The following OR6N1 variants were observed in gnomAD, a reference collection of about 807,000 sequenced individuals.
OR6N1 encodes the protein olfactory receptor family 6 subfamily N member 1.
For synonymous variants in OR6N1, 170 were observed against 150.7 expected (o/e 1.13, Z -0.94); for missense variants, 394 against 371.7 (o/e 1.06, Z -0.49).
chr1:158,790,873 T>C, the OR6N1 span, among the ~76,000 whole-genome samples: 6 of 151,894 alleles, frequency 4.0e-5, no homozygotes, highest in Admixed American at 2.6e-4. Flanking sequence ...CAGATGGGGG[T>C]GATTGGACCA....
upstream of OR6N1, among the ~76,000 whole-genome samples, chr1:158,772,377 C>A (rs903378007): frequency 1.3e-5 from 2 of 152,136 alleles, no homozygotes; most frequent in Admixed American, 6.5e-5. Flanking sequence ...TCCTTCATTA[C>A]CTATTAGTTA....
chr1:158,819,763 AG>A, the OR6N1 span, among the ~76,000 whole-genome samples: 1 of 152,194 alleles, frequency 6.6e-6, no homozygotes, highest in Non-Finnish European at 1.5e-5. Context: ...ACATATACAT[AG>A]TACTGTTTCT....
chr1:158,829,301 C>T, the OR6N1 span, among the ~76,000 whole-genome samples: 1 of 152,116 alleles, frequency 6.6e-6, no homozygotes, highest in African/African-American at 2.4e-5. Flanking sequence ...GCTCTGTTTC[C>T]CTTTTAAAAC....
At chr1:158,787,588 T>TC in the OR6N1 span, among the ~76,000 whole-genome samples, 1 of 126,020 alleles carries the variant, frequency 7.9e-6, no homozygotes, top group Admixed American at 8.0e-5. Flanking sequence ...TGTATATACT[T>TC]TCTCTCTCTC....
At chr1:158,771,636 T>C (rs1558033686) in intron 1 of OR6N1, among the ~76,000 whole-genome samples, 4 of 152,352 alleles carry the variant, frequency 2.6e-5, no homozygotes, top group African/African-American at 7.2e-5. Flanking sequence ...TCATAGTTCA[T>C]AATTGTTTAG....
the OR6N1 span, among the ~76,000 whole-genome samples, chr1:158,822,969 T>C: frequency 5.3e-5 from 8 of 152,194 alleles, no homozygotes; most frequent in Non-Finnish European, 7.4e-5. Flanking sequence ...GAGATAATCA[T>C]GTGGGCTTTG....
At chr1:158,794,205 T>C in the OR6N1 span, among the ~76,000 whole-genome samples, 26 of 152,252 alleles carry the variant, frequency 1.7e-4, no homozygotes, top group African/African-American at 3.6e-4. Flanking sequence ...GTAGTAATCA[T>C]TGGGGAGAAA....
chr1:158,821,883 G>T, the OR6N1 span, among the ~76,000 whole-genome samples: 1 of 152,072 alleles, frequency 6.6e-6, no homozygotes, highest in Non-Finnish European at 1.5e-5. Context: ...GTACCATTTT[G>T]CAATTCCACC....
upstream of OR6N1, chr1:158,775,319 G>A (rs1330637738): frequency 6.6e-6 from 1 of 152,058 alleles, no homozygotes; most frequent in Non-Finnish European, 1.5e-5. Flanking sequence ...ATGAAATGTT[G>A]GGGAAAAAAC....
chr1:158,792,672 A>G, the OR6N1 span, among the ~76,000 whole-genome samples: 1 of 152,328 alleles, frequency 6.6e-6, no homozygotes, highest in Non-Finnish European at 1.5e-5. Flanking sequence ...ATTGGTTGAC[A>G]GTACAGTTAT....
chr1:158,835,655 A>C, the OR6N1 span, among the ~76,000 whole-genome samples: 2 of 151,312 alleles, frequency 1.3e-5, no homozygotes, highest in Admixed American at 6.6e-5. Flanking sequence ...GTACTATCTC[A>C]AACAGAAGTG....
chr1:158,804,687 T>C, the OR6N1 span, among the ~76,000 whole-genome samples: 4 of 152,214 alleles, frequency 2.6e-5, no homozygotes, highest in African/African-American at 4.8e-5. Flanking sequence ...TTTAATGTCC[T>C]ATATTTATAT....
chr1:158,807,691 A>G, the OR6N1 span, among the ~76,000 whole-genome samples: 4 of 152,132 alleles, frequency 2.6e-5, no homozygotes, highest in South Asian at 2.1e-4. Flanking sequence ...CTTTTTGCCA[A>G]CCTAGTTTTC....
chr1:158,801,963 C>T, the OR6N1 span, among the ~76,000 whole-genome samples: 1 of 152,156 alleles, frequency 6.6e-6, no homozygotes, highest in South Asian at 2.1e-4. Flanking sequence ...ACTTATATTT[C>T]ATGTTCCTGG....
the OR6N1 span, among the ~76,000 whole-genome samples, chr1:158,806,870 A>G: frequency 6.6e-6 from 1 of 151,818 alleles, no homozygotes; most frequent in Non-Finnish European, 1.5e-5. Flanking sequence ...AAGAAGTGCT[A>G]TAGGTGCCTG....
the OR6N1 span, among the ~76,000 whole-genome samples, chr1:158,778,004 T>C: frequency 6.6e-6 from 1 of 152,202 alleles, no homozygotes; most frequent in Admixed American, 6.5e-5. Context: ...ATTTAGACCA[T>C]CCTCAAGCAT....
the OR6N1 span, among the ~76,000 whole-genome samples, chr1:158,834,951 A>G: frequency 2.0e-5 from 3 of 152,184 alleles, no homozygotes; most frequent in Non-Finnish European, 2.9e-5. Context: ...TTTCTATGCT[A>G]TCTATCATAT....
At chr1:158,829,714 C>A in the OR6N1 span, among the ~76,000 whole-genome samples, 2 of 152,188 alleles carry the variant, frequency 1.3e-5, no homozygotes, top group Admixed American at 1.3e-4. Context: ...ATGCCCTACT[C>A]CTGGTACCAA....
At chr1:158,815,438 T>C in the OR6N1 span, among the ~76,000 whole-genome samples, 6 of 152,104 alleles carry the variant, frequency 3.9e-5, no homozygotes, top group Non-Finnish European at 8.8e-5. Flanking sequence ...GACTGCAATG[T>C]AGGAAGACAG....
Sources: gnomAD v4.1 joint callset for allele counts (sites outside exome capture counted in the v4.1 genomes callset) on GRCh38, gnomAD v4.1.1 for gene constraint, MANE v1.5 for transcripts, NCBI Gene and HGNC (gene_info 2026-07-23, HGNC 2026-07-21) for gene names.